The following MB21D2 variants were observed in gnomAD, a reference collection of about 807,000 sequenced individuals.
The protein encoded by MB21D2 is nucleotidyltransferase MB21D2.
In MB21D2, 9 loss-of-function variants were observed where a neutral mutation model predicts 33.3. The ratio of observed to expected loss-of-function variants is 0.27; its 90% CI spans 0.16 to 0.47. MB21D2 has a LOEUF of 0.47. Ranked by LOEUF, MB21D2 falls within the 20% of genes least tolerant of loss-of-function variation. MB21D2 has a pLI of 0.99. For synonymous variants in MB21D2, 241 were observed against 236.3 expected (o/e 1.02, Z -0.18); for missense variants, 540 against 624.6 (o/e 0.86, Z 1.44).
In MB21D2 at chr3:192,827,411, G is replaced by A. The variant is rs138476913; in HGVS notation, c.212-27761C>T. Among the ~76,000 whole-genome samples, 586 of 151,754 alleles carry A rather than the reference G, an allele frequency of 3.9e-3. 2 individuals carry two copies. Among genetic ancestry groups the A allele is most frequent in the Non-Finnish European group, 7.0e-3 (475 of 67,944 alleles). ...GTTCCCTGGGCTGGCTCACCTCCAC[G>A]ACGGGAACAATGATTGTGAGGGTTT... is the stretch of plus-strand genomic sequence containing the variant. On this transcript the variant is annotated intron_variant, in intron 1 of 1. Coordinates refer to ENST00000392452, the MANE Select transcript of MB21D2 (RefSeq NM_178496.4).
At chr3:192,845,193 A>G (rs1712654252) in intron 1 of MB21D2, among the ~76,000 whole-genome samples, 1 of 152,222 alleles carries the variant, frequency 6.6e-6, no homozygotes, top group African/African-American at 2.4e-5. Context: ...GGTGACTGGC[A>G]CATGTTCCTC....
intron 1 of MB21D2, among the ~76,000 whole-genome samples, chr3:192,804,055 T>C (rs1247562859): frequency 6.6e-6 from 1 of 152,160 alleles, no homozygotes; most frequent in Non-Finnish European, 1.5e-5. Flanking sequence ...TATTTCAGAG[T>C]TTTTACTTAA....
In MB21D2 at chr3:192,797,329, T is replaced by A; in HGVS notation, c.*1057A>T. The A allele has an allele frequency of 6.6e-6, 1 of 152,606 alleles. No individual in the cohort carries two copies. The highest frequency in any genetic ancestry group is 6.5e-5 in the Admixed American group (1 of 15,278). The allele number at this position is 152,606 out of a possible 1,614,324, so 9.5% of individuals were successfully genotyped here. Reference sequence around the variant, plus strand: ...TAGAGATTTTACAAAAAAGCTTACCTCTATGACCCCAAAAGAAATAAATAC... The same window carrying A: ...TAGAGATTTTACAAAAAAGCTTACCACTATGACCCCAAAAGAAATAAATAC... On this transcript the variant is annotated 3_prime_UTR_variant, in exon 2 of 2. Transcript: ENST00000392452.
At chr3:192,802,801 T>A (rs1291458885) in intron 1 of MB21D2, among the ~76,000 whole-genome samples, 1 of 152,264 alleles carries the variant, frequency 6.6e-6, no homozygotes, top group Non-Finnish European at 1.5e-5. Flanking sequence ...ATTTCAAACA[T>A]CCTTTCATTC....
At chr3:192,897,497 G>A (rs1456400526) in intron 1 of MB21D2, among the ~76,000 whole-genome samples, 2 of 152,176 alleles carry the variant, frequency 1.3e-5, no homozygotes, top group Non-Finnish European at 2.9e-5. Context: ...ACATCTAGAG[G>A]AGGCAGCTGC....
intron 1 of MB21D2, among the ~76,000 whole-genome samples, chr3:192,853,623 A>C (rs1261182281): frequency 6.6e-6 from 1 of 152,110 alleles, no homozygotes; most frequent in Non-Finnish European, 1.5e-5. Context: ...TGTTCCACAT[A>C]CATTTCTGGT....
intron 1 of MB21D2, among the ~76,000 whole-genome samples, chr3:192,808,608 C>A (rs1201202222): frequency 6.6e-6 from 1 of 152,210 alleles, no homozygotes; most frequent in Non-Finnish European, 1.5e-5. Flanking sequence ...CAATCAGAAT[C>A]TTCAGCAGGG....
chr3:192,839,449 C>T (rs992214979), intron 1 of MB21D2, among the ~76,000 whole-genome samples: 1 of 152,072 alleles, frequency 6.6e-6, no homozygotes, highest in African/African-American at 2.4e-5. Flanking sequence ...AAACAAGTGC[C>T]CAAATGTTAC....
chr3:192,815,806 G>A (rs1560228905), intron 1 of MB21D2, among the ~76,000 whole-genome samples: 1 of 152,130 alleles, frequency 6.6e-6, no homozygotes, highest in Non-Finnish European at 1.5e-5. Context: ...TATTTTTTCA[G>A]GGCCCGTATC....
intron 1 of MB21D2, among the ~76,000 whole-genome samples, chr3:192,900,766 C>T (rs758130725): frequency 6.6e-6 from 1 of 152,010 alleles, no homozygotes; most frequent in Non-Finnish European, 1.5e-5. Context: ...CATGGTGAAA[C>T]CCTGTCTCTA....
chr3:192,905,788 G>C (rs374776700), intron 1 of MB21D2, among the ~76,000 whole-genome samples: 2 of 143,408 alleles, frequency 1.4e-5, no homozygotes, highest in African/African-American at 5.2e-5. Context: ...AGCCGAGATC[G>C]CACCACTGCA....
At chr3:192,832,256 C>A (rs911156956) in intron 1 of MB21D2, among the ~76,000 whole-genome samples, 3 of 152,178 alleles carry the variant, frequency 2.0e-5, no homozygotes, top group Admixed American at 2.0e-4. Context: ...TATTGACACA[C>A]TTACTGATAT....
chr3:192,905,137 C>A (rs371094766), intron 1 of MB21D2, among the ~76,000 whole-genome samples: 2 of 152,214 alleles, frequency 1.3e-5, no homozygotes, highest in African/African-American at 4.8e-5. Context: ...CTTGAAGCAG[C>A]CTAAAACAGT....
intron 1 of MB21D2, among the ~76,000 whole-genome samples, chr3:192,838,355 G>GC (rs1352732128): frequency 6.6e-6 from 1 of 151,778 alleles, no homozygotes; most frequent in Non-Finnish European, 1.5e-5. Context: ...TGCATTAGAA[G>GC]CAAGTCACTA....
chr3:192,870,423 G>A (rs1422892588), intron 1 of MB21D2, among the ~76,000 whole-genome samples: 1 of 152,152 alleles, frequency 6.6e-6, no homozygotes, highest in Non-Finnish European at 1.5e-5. Context: ...GGGCACACTG[G>A]CTCATGTCTG....
intron 1 of MB21D2, among the ~76,000 whole-genome samples, chr3:192,842,602 A>C (rs1712597759): frequency 6.6e-6 from 1 of 152,242 alleles, no homozygotes; most frequent in South Asian, 2.1e-4. Context: ...ATGATAATAA[A>C]AGAGAACACA....
rs775877611 is a variant in MB21D2, at chr3:192,798,561, G to A, written c.1301C>T (p.Thr434Ile). The A allele has an allele frequency of 1.9e-6, 3 of 1,614,068 alleles. No individual in the cohort carries two copies. The highest frequency in any genetic ancestry group is 2.5e-6 in the Non-Finnish European group (3 of 1,180,048). ...LTLELQRRGSTTSIPSPQSDG... is the reference protein window; with the variant it reads ...LTLELQRRGSITSIPSPQSDG... Reference sequence around the variant, plus strand: ...AGACTGTGGAGAGGGGATGCTGGTGGTGCTACCTCGCCTCTGGAGCTCCAG... The same window carrying A: ...AGACTGTGGAGAGGGGATGCTGGTGATGCTACCTCGCCTCTGGAGCTCCAG... Residue 434 changes from threonine to isoleucine, a missense_variant, in exon 2 of 2, where the codon ACC (threonine) becomes ATC (isoleucine). By Grantham distance (89) the Thr-to-Ile change is moderately conservative. Coordinates refer to ENST00000392452, the MANE Select transcript of MB21D2 (RefSeq NM_178496.4). This position sits in a 1 kb window ranked among gnomAD's most constrained non-coding sequence, Gnocchi z 4.8.
intron 1 of MB21D2, among the ~76,000 whole-genome samples, chr3:192,890,419 A>G (rs563796809): frequency 6.6e-5 from 10 of 152,134 alleles, no homozygotes; most frequent in African/African-American, 2.4e-4. Context: ...ATAAACAAAG[A>G]GCTTGTACTT....
chr3:192,827,921 G>A (rs1712211960), intron 1 of MB21D2, among the ~76,000 whole-genome samples: 1 of 152,082 alleles, frequency 6.6e-6, no homozygotes, highest in African/African-American at 2.4e-5. Flanking sequence ...GGGATCAGGT[G>A]GGAGATCATT....
Sources: gnomAD v4.1 joint callset for allele counts (sites outside exome capture counted in the v4.1 genomes callset) on GRCh38, gnomAD v4.1.1 for gene constraint, Gnocchi (gnomAD v3.1) non-coding constraint, MANE v1.5 for transcripts, NCBI Gene and HGNC (gene_info 2026-07-23, HGNC 2026-07-21) for gene names.